Variants in HDDC2 observed in about 807,000 individuals in gnomAD.
The protein encoded by HDDC2 is HD domain containing 2.
In HDDC2, 25 loss-of-function variants were observed where a neutral mutation model predicts 25.5. That is an observed-to-expected ratio of 0.98 (90% CI 0.72 to 1.37). HDDC2 has a LOEUF of 1.37. Among genes scored for constraint, HDDC2 ranks in the 40% most tolerant of loss-of-function variants. The pLI is 0.00. For missense variants in HDDC2, 264 were observed against 253.1 expected, an observed-to-expected ratio of 1.04 and a Z score of -0.29; for synonymous variants, 106 against 89.7, an observed-to-expected ratio of 1.18 and a Z score of -1.03.
At chr6:125,299,758 A>G (rs576179873) in intron 2 of HDDC2, among the ~76,000 whole-genome samples, 22 of 152,280 alleles carry the variant, frequency 1.4e-4, no homozygotes, top group South Asian at 4.2e-4. Flanking sequence ...AGGCTTCCCA[A>G]ATGAACTCTT....
chr6:125,276,098 A>C lies in HDDC2; in HGVS notation c.*48T>G. On this transcript the variant is annotated 3_prime_UTR_variant, in exon 6 of 6. Coordinates refer to ENST00000398153, the MANE Select transcript of HDDC2 (RefSeq NM_016063.3). ...CAATGGCAAAACACAATACAATGAA[A>C]TGGAAAAATAATGTTTGTTACAGGA... The C allele has an allele frequency of 7.6e-7, 1 of 1,319,870 alleles. No homozygotes were observed. Among genetic ancestry groups the C allele is most frequent in the Non-Finnish European group, 1.1e-6 (1 of 917,088 alleles). 81.8% of individuals were successfully genotyped at this position (1,319,870 alleles called of 1,614,324 possible).
intron 3 of HDDC2, among the ~76,000 whole-genome samples, chr6:125,296,935 C>T (rs1798712928): frequency 1.3e-5 from 2 of 152,204 alleles, no homozygotes; most frequent in South Asian, 4.1e-4. Context: ...AAGGTTTTGA[C>T]TTGCTCCTCT....
At chr6:125,300,494 T>C (rs767104069) in intron 2 of HDDC2, 44 bp downstream of exon 2, 1 of 1,601,302 alleles carries the variant, frequency 6.2e-7, no homozygotes, top group South Asian at 1.1e-5. Context: ...TGCACACCCA[T>C]AGACCAGAAT....
rs1457650018 is a variant in HDDC2 at position 125,276,232 on chromosome 6, G to A, written c.529C>T (p.His177Tyr). 1 of 1,613,382 alleles carries A rather than the reference G, an allele frequency of 6.2e-7. No homozygotes were observed. Among genetic ancestry groups the A allele is most frequent in the Non-Finnish European group, 8.5e-7 (1 of 1,179,534 alleles). The part of the protein sequence containing the change: ...FYDSTAGKFN[H>Y]PEIVQLVSEL... ...GAAACAAGCTGGACTATCTCAGGGT[G>A]ATTGAATTTTCCTGCAAAGCAAAAG... Residue 177 changes from histidine (H) to tyrosine (Y), a missense_variant, in exon 6 of 6, where the codon CAC (histidine) becomes TAC (tyrosine). Physicochemically the swap from His to Tyr is moderately conservative, Grantham distance 83. Coordinates refer to ENST00000398153, the MANE Select transcript of HDDC2 (RefSeq NM_016063.3).
chr6:125,287,909 C>T (rs1268651714), intron 4 of HDDC2, among the ~76,000 whole-genome samples: 1 of 152,200 alleles, frequency 6.6e-6, no homozygotes, highest in East Asian at 1.9e-4. Context: ...AGCGGGGTTG[C>T]CGGATCCAGC....
At chr6:125,300,756 C>T in intron 1 of HDDC2, 97 bp from the exon 2 acceptor site, 1 of 1,229,098 alleles carries the variant, frequency 8.1e-7, no homozygotes, top group Non-Finnish European at 1.1e-6. Context: ...ACACAGAAGC[C>T]GGGTCATAAT....
At chr6:125,289,195 A>G (rs1798590646) in intron 4 of HDDC2, among the ~76,000 whole-genome samples, 1 of 135,396 alleles carries the variant, frequency 7.4e-6, no homozygotes, top group Admixed American at 7.2e-5. Context: ...CATGGATGAA[A>G]CTGGAAACCA....
At chr6:125,301,429 A>G (rs1798800030) in intron 1 of HDDC2, among the ~76,000 whole-genome samples, 1 of 139,284 alleles carries the variant, frequency 7.2e-6, no homozygotes, top group Admixed American at 7.0e-5. Context: ...CGTGCTCAGA[A>G]GCAGCCGCGC....
chr6:125,298,941 T>C (rs955247063), intron 2 of HDDC2, 125 bp from the exon 3 acceptor site: 7 of 597,456 alleles, frequency 1.2e-5, no homozygotes, highest in African/African-American at 1.9e-5. Context: ...TATTTTAATG[T>C]AGTATTTTCT....
intron 4 of HDDC2, among the ~76,000 whole-genome samples, chr6:125,288,145 C>T (rs1184035397): frequency 1.3e-5 from 2 of 152,232 alleles, no homozygotes; most frequent in Non-Finnish European, 2.9e-5. Flanking sequence ...AGCTGGAGAA[C>T]TTCCTATCTG....
chr6:125,296,793 T>C (rs771142389), intron 3 of HDDC2, among the ~76,000 whole-genome samples: 10 of 152,224 alleles, frequency 6.6e-5, no homozygotes, highest in Non-Finnish European at 1.3e-4. Flanking sequence ...GTATCCTCTC[T>C]GATTGCTCAG....
chr6:125,280,421 C>T (rs1234226289), intron 4 of HDDC2, among the ~76,000 whole-genome samples: 3 of 152,166 alleles, frequency 2.0e-5, no homozygotes, highest in Non-Finnish European at 4.4e-5. Flanking sequence ...GGGCTGAAGC[C>T]AGGGAGCCAA....
At chr6:125,287,224 T>A (rs928261855) in intron 4 of HDDC2, among the ~76,000 whole-genome samples, 1 of 152,162 alleles carries the variant, frequency 6.6e-6, no homozygotes, top group Non-Finnish European at 1.5e-5. Flanking sequence ...TTAAAAAAAG[T>A]GAGCATGATT....
intron 2 of HDDC2, chr6:125,300,323 C>T (rs757763187): frequency 4.1e-5 from 22 of 532,940 alleles, no homozygotes; most frequent in Non-Finnish European, 7.2e-5. Flanking sequence ...ATACCCTAGG[C>T]AGGCTCTATC....
At chr6:125,280,413 G>A (rs1198357053) in intron 4 of HDDC2, among the ~76,000 whole-genome samples, 3 of 152,174 alleles carry the variant, frequency 2.0e-5, no homozygotes, top group African/African-American at 7.2e-5. Context: ...TAGAAAGGGG[G>A]CTGAAGCCAG....
At chr6:125,296,371 GTT>G (rs1798706338) in intron 3 of HDDC2, among the ~76,000 whole-genome samples, 1 of 152,034 alleles carries the variant, frequency 6.6e-6, no homozygotes, top group African/African-American at 2.4e-5. Context: ...TCCTACTTTA[GTT>G]TAGAGGCTCA....
intron 4 of HDDC2, among the ~76,000 whole-genome samples, chr6:125,289,159 T>G (rs1330734881): frequency 1.4e-4 from 18 of 131,574 alleles, no homozygotes; most frequent in South Asian, 4.5e-4. Context: ...CCATAAAAAA[T>G]GATGAGTTCA....
intron 4 of HDDC2, among the ~76,000 whole-genome samples, chr6:125,287,974 G>GT (rs1368639879): frequency 6.6e-6 from 1 of 152,220 alleles, no homozygotes; most frequent in Non-Finnish European, 1.5e-5. Flanking sequence ...GCAGTGCCTG[G>GT]TGGGCCTGTC....
At chr6:125,301,288 C>T (rs530700518) in intron 1 of HDDC2, among the ~76,000 whole-genome samples, 11 of 152,240 alleles carry the variant, frequency 7.2e-5, no homozygotes, top group African/African-American at 2.6e-4. Context: ...TGATGAAACT[C>T]GTGTGTATTA....
Sources: gnomAD v4.1 joint callset for allele counts (sites outside exome capture counted in the v4.1 genomes callset) on GRCh38, gnomAD v4.1.1 for gene constraint, MANE v1.5 for transcripts, NCBI Gene and HGNC (gene_info 2026-07-23, HGNC 2026-07-21) for gene names.